POLR3GL: variants seen among roughly 807,000 people sequenced by gnomAD.
The protein encoded by POLR3GL is DNA-directed RNA polymerase III subunit RPC7-like.
Under a neutral mutation model 32.4 loss-of-function variants are expected in POLR3GL, and 26 were observed. The observed-to-expected ratio is 0.80, with a 90% CI of 0.59 to 1.11. The LOEUF is 1.11. Ranked by LOEUF, POLR3GL falls within the 50% of genes most tolerant of loss-of-function variation. The pLI is 0.00. For missense variants in POLR3GL, 229 were observed against 280.1 expected (o/e 0.82, Z 1.30); for synonymous variants, 95 against 98.7 (o/e 0.96, Z 0.22).
intron 1 of POLR3GL, among the ~76,000 whole-genome samples, chr1:145,970,486 A>G (rs1197184412): frequency 6.6e-6 from 1 of 151,860 alleles, no homozygotes; most frequent in African/African-American, 2.4e-5. Context: ...TAATTAATAG[A>G]TTATATATTT....
chr1:145,975,974 A>C (rs1262707535), intron 3 of POLR3GL, among the ~76,000 whole-genome samples: 8 of 150,992 alleles, frequency 5.3e-5, no homozygotes, highest in African/African-American at 1.9e-4. Context: ...AAGGGACAGA[A>C]AAAAAAAAAA....
chr1:145,977,076 C>G lies in POLR3GL; in HGVS notation c.257-8C>G. On this transcript the variant is annotated splice_polypyrimidine_tract_variant and splice_region_variant and intron_variant, in intron 3 of 7. Coordinates refer to ENST00000369314, the MANE Select transcript of POLR3GL (RefSeq NM_032305.3). The stretch of plus-strand genomic sequence containing the variant: ...AAGGGATAAAACTTTGACCCTTCCA[C>G]CCCTCAGATGTGGAGCGTTATTCAG... 6.2e-7 allele frequency: 1 copy of G among 1,613,190 alleles called. No individual in the cohort carries two copies. Among genetic ancestry groups the G allele is most frequent in the Non-Finnish European group, 8.5e-7 (1 of 1,179,218 alleles).
At chr1:145,967,036 G>T (rs1370043099) in intron 1 of POLR3GL, among the ~76,000 whole-genome samples, 1 of 152,056 alleles carries the variant, frequency 6.6e-6, no homozygotes, top group Non-Finnish European at 1.5e-5. Flanking sequence ...TGGACAAATT[G>T]CTCCCCTTGA....
Position 145,974,940 on chromosome 1 carries a change from G to A in POLR3GL, c.75G>A (p.Gly25=). The change falls in exon 2 of 8, where the codon GGG becomes GGA. Residue 25 remains glycine, a synonymous_variant. Coordinates refer to ENST00000369314, the MANE Select transcript of POLR3GL (RefSeq NM_032305.3). ...TCAACGTGGAGGCCGTGGGCATTGG[G>A]AAAGGGGATGCTTTGCCCCCACCCA... is the stretch of plus-strand genomic sequence containing the variant. ...LTFNVEAVGI[G]KGDALPPPTL... The A allele has an allele frequency of 6.6e-7, 1 of 1,519,648 alleles. No individual in the cohort carries two copies. The highest frequency in any genetic ancestry group is 8.8e-7 in the Non-Finnish European group (1 of 1,139,874). The allele number at this position is 1,519,648 out of a possible 1,614,324, so 94.1% of individuals were successfully genotyped here.
intron 1 of POLR3GL, 114 bp from the exon 2 acceptor site, chr1:145,974,711 T>G: frequency 1.5e-6 from 1 of 686,996 alleles, no homozygotes; most frequent in Non-Finnish European, 2.2e-6. Flanking sequence ...CAAAATTTGT[T>G]GAATGACATT....
At chr1:145,969,355 C>G (rs1463378501) in intron 1 of POLR3GL, among the ~76,000 whole-genome samples, 1 of 151,986 alleles carries the variant, frequency 6.6e-6, no homozygotes, top group Non-Finnish European at 1.5e-5. Flanking sequence ...ACCTCCACCT[C>G]CCGGGTTCAA....
Position 145,978,073 on chromosome 1 carries a change from T to C in POLR3GL, c.547T>C (p.Tyr183His). ...GAAGGAAGAGGAGGAAGAAGAAGAG[T>C]ATGATGAAGAAGAACATGAAGAGGT... ...EEKEEEEEEEYDEEEHEEETD... is the reference protein window; with the variant it reads ...EEKEEEEEEEHDEEEHEEETD... Residue 183 changes from tyrosine to histidine, a missense_variant, in exon 7 of 8, where the codon TAT becomes CAT. Physicochemically the swap from Tyr to His is moderately conservative, Grantham distance 83. Coordinates refer to ENST00000369314, the MANE Select transcript of POLR3GL (RefSeq NM_032305.3). 1 of 1,602,106 alleles carries C rather than the reference T, an allele frequency of 6.2e-7. No homozygotes were observed. The highest frequency in any genetic ancestry group is 8.5e-7 in the Non-Finnish European group (1 of 1,172,650).
Position 145,978,080 on chromosome 1 carries a change from A to C in POLR3GL, c.554A>C (p.Glu185Ala). Reference protein sequence around the residue: ...KEEEEEEEYDEEEHEEETDYI... With the variant: ...KEEEEEEEYDAEEHEEETDYI... ...GAGGAGGAAGAAGAAGAGTATGATG[A>C]AGAAGAACATGAAGAGGTGAAGGGG... The change falls in exon 7 of 8, where the codon GAA becomes GCA. Residue 185 changes from glutamate to alanine, a missense_variant. By Grantham distance (107) the Glu-to-Ala change is moderately radical (BLOSUM62 -1). Coordinates refer to ENST00000369314, the MANE Select transcript of POLR3GL (RefSeq NM_032305.3). 1 of 1,601,758 alleles carries C rather than the reference A, an allele frequency of 6.2e-7. No individual in the cohort carries two copies. Among genetic ancestry groups the C allele is most frequent in the Non-Finnish European group, 8.5e-7 (1 of 1,172,966 alleles).
At chr1:145,966,719 G>T (rs1331016267) in intron 1 of POLR3GL, among the ~76,000 whole-genome samples, 3 of 151,978 alleles carry the variant, frequency 2.0e-5, no homozygotes, top group African/African-American at 7.3e-5. Context: ...AACCCAGGAG[G>T]TGGAGGTTGC....
chr1:145,975,074 A>G (rs1408312938), intron 2 of POLR3GL, 83 bp downstream of exon 2: 2 of 1,470,550 alleles, frequency 1.4e-6, no homozygotes, highest in Non-Finnish European at 1.8e-6. Context: ...GGACCATCAT[A>G]AAACCATCCT....
chr1:145,977,778 G>T lies in POLR3GL; in HGVS notation c.383G>T (p.Arg128Leu), dbSNP rs1180512090. ...GTTTACCTTTTGATCCCTCCACCAGGGATTACAATTCTGCTCCCCAAGAGG... is the reference window on the plus strand; with the variant it reads ...GTTTACCTTTTGATCCCTCCACCAGTGATTACAATTCTGCTCCCCAAGAGG... ...KIRVRKLQKE[R>L]ITILLPKRPP... Residue 128 changes from arginine to leucine, a missense_variant and splice_region_variant, in exon 6 of 8, where the codon CGG becomes CTG. By Grantham distance (102) the Arg-to-Leu change is moderately radical. Transcript: ENST00000369314. The T allele has an allele frequency of 6.2e-7, 1 of 1,613,886 alleles. No homozygotes were observed.
At chr1:145,968,573 CTT>C (rs1320272952) in intron 1 of POLR3GL, among the ~76,000 whole-genome samples, 35 of 137,608 alleles carry the variant, frequency 2.5e-4, no homozygotes, top group Non-Finnish European at 2.4e-4. Context: ...GTGACAAATT[CTT>C]TTTTTTTTTT....
chr1:145,977,564 G>T, intron 5 of POLR3GL, 25 bp downstream of exon 5: 1 of 1,606,778 alleles, frequency 6.2e-7, no homozygotes, highest in South Asian at 1.1e-5. Flanking sequence ...AAAAAAGGAG[G>T]GAGAAGAGAG....
At position 145,972,032 on chromosome 1, in the gene POLR3GL, A is replaced by G. The variant is rs189344494; in HGVS notation, c.-41-2793A>G. ...TATATACGTGTGTGTGTGTGTGTGT[A>G]TATATATAGAGAGAGAGAGAGAGAG... On this transcript the variant is annotated intron_variant, in intron 1 of 7. Coordinates refer to ENST00000369314, the MANE Select transcript of POLR3GL (RefSeq NM_032305.3). 3.7e-3 allele frequency among the ~76,000 whole-genome samples: 489 copies of G among 133,794 alleles called. 2 individuals are homozygous for G. The highest frequency in any genetic ancestry group is 0.011 in the African/African-American group (359 of 32,618). 87.8% of individuals were successfully genotyped at this position (133,794 alleles called of 152,430 possible).
chr1:145,977,830 G>A lies in POLR3GL; in HGVS notation c.435G>A (p.Glu145=). 1 of 1,614,020 alleles carries A rather than the reference G, an allele frequency of 6.2e-7. No homozygotes were observed. Among genetic ancestry groups the A allele is most frequent in the Non-Finnish European group, 8.5e-7 (1 of 1,179,882 alleles). The change falls in exon 6 of 8, where the codon GAG becomes GAA. Residue 145 remains glutamate (E), a synonymous_variant. Coordinates refer to ENST00000369314, the MANE Select transcript of POLR3GL (RefSeq NM_032305.3). The stretch of plus-strand genomic sequence containing the variant: ...CCCCTAAGACCACAGAAGATAAGGA[G>A]GAAACAATACAGAAACTAGAGGTGA... The part of the protein sequence containing the change: ...KRPPKTTEDK[E]ETIQKLETLE...
intron 1 of POLR3GL, among the ~76,000 whole-genome samples, chr1:145,966,413 C>T (rs1040351581): frequency 1.4e-5 from 2 of 147,280 alleles, no homozygotes; most frequent in African/African-American, 5.1e-5. Context: ...CTGGAGAAGT[C>T]GAGGCTGCAG....
At chr1:145,976,498 A>G (rs1650559444) in intron 3 of POLR3GL, among the ~76,000 whole-genome samples, 1 of 151,536 alleles carries the variant, frequency 6.6e-6, no homozygotes, top group Admixed American at 6.6e-5. Flanking sequence ...AATTGCTTGA[A>G]CTTGGGAGGC....
intron 1 of POLR3GL, among the ~76,000 whole-genome samples, chr1:145,971,689 G>C (rs1010715872): frequency 6.6e-6 from 1 of 151,960 alleles, no homozygotes. Flanking sequence ...AATGAGGGCC[G>C]GGTGCAGTGG....
intron 2 of POLR3GL, 38 bp downstream of exon 2, chr1:145,975,029 C>T: frequency 6.7e-7 from 1 of 1,502,478 alleles, no homozygotes; most frequent in South Asian, 1.4e-5. Context: ...TCTCATGTGC[C>T]CCTGGCTGAC....
Sources: gnomAD v4.1 joint callset for allele counts (sites outside exome capture counted in the v4.1 genomes callset) on GRCh38, gnomAD v4.1.1 for gene constraint, MANE v1.5 for transcripts, NCBI Gene and HGNC (gene_info 2026-07-23, HGNC 2026-07-21) for gene names.